CASR: variants seen among roughly 807,000 people sequenced by gnomAD.
CASR encodes the protein calcium sensing receptor.
CASR carries 23 observed loss-of-function variants against 69.1 expected under a neutral mutation model. The ratio of observed to expected loss-of-function variants is 0.33; its 90% confidence interval spans 0.24 to 0.47. The LOEUF is 0.47. CASR is among the 20% of genes least tolerant of loss of function. The probability of loss-of-function intolerance (pLI) is 1.00; values close to 1 mark genes in which losing one functional copy is unlikely to be tolerated. For synonymous variants in CASR, 541 were observed against 544.7 expected, an observed-to-expected ratio of 0.99 and a Z score of 0.10; for missense variants, 924 against 1,356.1, an observed-to-expected ratio of 0.68 and a Z score of 5.00.
Position 122,223,251 on chromosome 3 carries a change from A to G in CASR, c.-242-30697A>G, listed in dbSNP as rs920288041. 2.0e-5 allele frequency among the ~76,000 whole-genome samples: 3 copies of G among 152,168 alleles called. No individual in the cohort carries two copies. The East Asian group carries it at 5.8e-4, about 29-fold the overall frequency. Reference sequence around the variant, plus strand: ...AACTTGATGAAATTGAGATGCGAAAATCCAGACAAAAGCTGGTTCTTCAAA... The same window carrying G: ...AACTTGATGAAATTGAGATGCGAAAGTCCAGACAAAAGCTGGTTCTTCAAA... On this transcript the variant is annotated intron_variant, in intron 1 of 6. Transcript: ENST00000639785.
intron 1 of CASR, among the ~76,000 whole-genome samples, chr3:122,235,020 A>C (rs1442438345): frequency 1.3e-5 from 2 of 152,254 alleles, no homozygotes; most frequent in African/African-American, 4.8e-5. Context: ...AGAGCCCCTG[A>C]AGAGCTCATA....
chr3:122,232,501 G>A (rs2074288192), intron 1 of CASR, among the ~76,000 whole-genome samples: 1 of 152,164 alleles, frequency 6.6e-6, no homozygotes, highest in African/African-American at 2.4e-5. Context: ...GGGATGGGAA[G>A]GGCCCAAGGC....
chr3:122,233,838 A>G (rs1435311273), intron 1 of CASR, among the ~76,000 whole-genome samples: 1 of 152,162 alleles, frequency 6.6e-6, no homozygotes, highest in African/African-American at 2.4e-5. Flanking sequence ...ATTCAGATTC[A>G]CAGCTTGGAC....
chr3:122,243,143 G>A (rs543919922), intron 1 of CASR, among the ~76,000 whole-genome samples: 60 of 152,184 alleles, frequency 3.9e-4, no homozygotes, highest in African/African-American at 1.4e-3. Context: ...CACTCCAGAA[G>A]CACAGGCAGC....
chr3:122,210,952 A>G (rs559666625), intron 1 of CASR, among the ~76,000 whole-genome samples: 8 of 152,362 alleles, frequency 5.3e-5, no homozygotes, highest in Non-Finnish European at 1.2e-4. Flanking sequence ...TGACCATCAG[A>G]TCTTTGACAA....
At chr3:122,252,649 A>G (rs1210149053) in intron 1 of CASR, among the ~76,000 whole-genome samples, 1 of 152,024 alleles carries the variant, frequency 6.6e-6, no homozygotes, top group Non-Finnish European at 1.5e-5. Flanking sequence ...TAGAATCTAC[A>G]GGGCTTAGGG....
rs1362183650 is a variant in CASR, at chr3:122,286,561, A to G, written c.*1370A>G. ...ACAAAACAAAACATACATATTAACC[A>G]TTCAGATTGTACTGCCTAGCCCACT... On this transcript the variant is annotated 3_prime_UTR_variant, in exon 7 of 7. Coordinates refer to ENST00000639785, the MANE Select transcript of CASR (RefSeq NM_000388.4). 6.6e-6 allele frequency: 1 copy of G among 152,254 alleles called. No homozygotes were observed. The highest frequency in any genetic ancestry group is 1.9e-4 in the East Asian group (1 of 5,206). 9.4% of individuals were successfully genotyped at this position (152,254 alleles called of 1,614,324 possible). A position where few individuals can be genotyped will look rare whatever the true frequency, so the allele number is the denominator to read the frequency against.
chr3:122,265,975 T>TA (rs973243107), intron 4 of CASR, among the ~76,000 whole-genome samples: 20 of 152,060 alleles, frequency 1.3e-4, no homozygotes, highest in Non-Finnish European at 1.0e-4. Flanking sequence ...TGGCTGGCGT[T>TA]AGAGAAGGGA....
At chr3:122,211,523 C>T (rs926644752) in intron 1 of CASR, among the ~76,000 whole-genome samples, 20 of 152,312 alleles carry the variant, frequency 1.3e-4, no homozygotes, top group African/African-American at 4.1e-4. Flanking sequence ...GTCTGGCCAG[C>T]ATGGCAAAAC....
At position 122,285,137 on chromosome 3, in the gene CASR, C is replaced by T; in HGVS notation, c.3183C>T (p.Ser1061=). Residue 1061 remains serine (S), a synonymous_variant, in exon 7 of 7, where the codon AGC becomes AGT. Transcript: ENST00000639785. ...SPALVVSSSQ[S]FVISGGGSTV... ...CACTTGTAGTGTCCAGTTCACAGAG[C>T]TTTGTCATCAGTGGTGGAGGCAGCA... 3.1e-6 allele frequency: 5 copies of T among 1,614,122 alleles called. No homozygotes were observed. The South Asian group carries it at 5.5e-5, about 18-fold the overall frequency.
intron 1 of CASR, among the ~76,000 whole-genome samples, chr3:122,233,154 C>T (rs971262963): frequency 6.6e-6 from 1 of 152,202 alleles, no homozygotes; most frequent in South Asian, 2.1e-4. Context: ...CTGCTTCTGA[C>T]AGCATGCAAA....
At chr3:122,198,376 G>T (rs1302071372) in intron 1 of CASR, among the ~76,000 whole-genome samples, 1 of 152,166 alleles carries the variant, frequency 6.6e-6, no homozygotes, top group Non-Finnish European at 1.5e-5. Context: ...TTTGACTCAT[G>T]CATACTGTGA....
chr3:122,257,739 C>T (rs997481618), intron 3 of CASR: 1 of 190,140 alleles, frequency 5.3e-6, no homozygotes, highest in Non-Finnish European at 1.1e-5. Flanking sequence ...AGGTAAATCC[C>T]ACCTCTCAAA....
At chr3:122,253,382 C>T (rs1245390592) in intron 1 of CASR, among the ~76,000 whole-genome samples, 4 of 152,226 alleles carry the variant, frequency 2.6e-5, no homozygotes, top group Non-Finnish European at 1.5e-5. Flanking sequence ...GCTGGGATTA[C>T]AGGCGTATGC....
intron 1 of CASR, among the ~76,000 whole-genome samples, chr3:122,192,485 G>GT (rs1313679374): frequency 6.6e-6 from 1 of 152,150 alleles, no homozygotes; most frequent in Non-Finnish European, 1.5e-5. Context: ...TACTGTGACT[G>GT]TATTTGGCAG....
intron 4 of CASR, among the ~76,000 whole-genome samples, chr3:122,263,130 G>T (rs1051243037): frequency 6.6e-6 from 1 of 152,226 alleles, no homozygotes; most frequent in African/African-American, 2.4e-5. Flanking sequence ...TTCGGGTCTT[G>T]CATATGTGCC....
intron 1 of CASR, among the ~76,000 whole-genome samples, chr3:122,234,960 G>C (rs1303104856): frequency 1.3e-5 from 2 of 152,224 alleles, no homozygotes; most frequent in Admixed American, 1.3e-4. Context: ...AGAGTGCACT[G>C]CATCAGCACA....
rs1349262194 is a variant in CASR, at chr3:122,286,918, G to C, written c.*1727G>C. 6.6e-6 allele frequency: 1 copy of C among 152,204 alleles called. No homozygotes were observed. Among genetic ancestry groups the C allele is most frequent in the East Asian group, 1.9e-4 (1 of 5,198 alleles). The allele number at this position is 152,204 out of a possible 1,614,324, so 9.4% of individuals were successfully genotyped here. A position where few individuals can be genotyped will look rare whatever the true frequency, so the allele number is the denominator to read the frequency against. ...ATTTGTAGGGCAAATTGGTGGACTT[G>C]ATAGTTGTTAAGATTATAATGAGAA... is the stretch of plus-strand genomic sequence containing the variant. On this transcript the variant is annotated 3_prime_UTR_variant, in exon 7 of 7. Coordinates refer to ENST00000639785, the MANE Select transcript of CASR (RefSeq NM_000388.4).
chr3:122,202,279 G>A lies in CASR; in HGVS notation c.-243+18467G>A, dbSNP rs185381247. On this transcript the variant is annotated intron_variant, in intron 1 of 6. Coordinates refer to ENST00000639785, the MANE Select transcript of CASR (RefSeq NM_000388.4). ...CAAAAAATCCGAAAACCAGTCAGGC[G>A]TGGTGGCGCGCGCCTGCAATGGCAG... Among the ~76,000 whole-genome samples the A allele has an allele frequency of 5.8e-3, 886 of 152,388 alleles. 10 individuals are homozygous for A. Among genetic ancestry groups the A allele is most frequent in the Non-Finnish European group, 0.01 (702 of 68,038 alleles).
Sources: gnomAD v4.1 joint callset for allele counts (sites outside exome capture counted in the v4.1 genomes callset) on GRCh38, gnomAD v4.1.1 for gene constraint, MANE v1.5 for transcripts, NCBI Gene and HGNC (gene_info 2026-07-23, HGNC 2026-07-21) for gene names.